Variants in WWOX observed in about 807,000 individuals in gnomAD.
WWOX encodes WW domain-containing oxidoreductase.
WWOX carries 69 observed loss-of-function variants against 46.2 expected under a neutral mutation model. The observed-to-expected ratio is 1.49, with a 90% CI of 1.23 to 1.82. The LOEUF (loss-of-function observed/expected upper bound fraction) is 1.82. Among genes scored for constraint, WWOX ranks in the 40% most tolerant of loss-of-function variants. The pLI, the probability that WWOX is intolerant of heterozygous loss-of-function variation, is 0.00. For synonymous variants in WWOX, 359 were observed against 202.6 expected (o/e 1.77, Z -6.56); for missense variants, 919 against 542.6 (o/e 1.69, Z -6.89).
intron 8 of WWOX, among the ~76,000 whole-genome samples, chr16:78,498,144 G>T (rs1346354031): frequency 2.1e-5 from 3 of 145,864 alleles, no homozygotes; most frequent in Admixed American, 7.1e-5. Context: ...GGTGGAGCTT[G>T]CAGTGAGCCG....
chr16:78,610,576 G>T (rs903053166), intron 8 of WWOX, among the ~76,000 whole-genome samples: 2 of 152,154 alleles, frequency 1.3e-5, no homozygotes, highest in Non-Finnish European at 2.9e-5. Flanking sequence ...AAATTGCTCA[G>T]TGCATTTATT....
chr16:78,563,836 A>G (rs1259786693), intron 8 of WWOX, among the ~76,000 whole-genome samples: 1 of 152,154 alleles, frequency 6.6e-6, no homozygotes, highest in Non-Finnish European at 1.5e-5. Context: ...TTGCACTGTG[A>G]AATTGTAGAT....
intron 8 of WWOX, among the ~76,000 whole-genome samples, chr16:78,554,643 C>A (rs190029440): frequency 2.0e-5 from 3 of 152,032 alleles, no homozygotes; most frequent in Non-Finnish European, 4.4e-5. Context: ...AAGAAAAAAT[C>A]CCCAGGACAG....
chr16:79,003,499 T>C (rs1328493198), intron 8 of WWOX, among the ~76,000 whole-genome samples: 1 of 152,230 alleles, frequency 6.6e-6, no homozygotes, highest in Admixed American at 6.5e-5. Flanking sequence ...CATGATTTTC[T>C]GGGTCAGGAC....
At chr16:78,248,102 G>A (rs982924499) in intron 5 of WWOX, among the ~76,000 whole-genome samples, 3 of 152,160 alleles carry the variant, frequency 2.0e-5, no homozygotes, top group African/African-American at 7.2e-5. Flanking sequence ...CTGCTATAAA[G>A]AAATACCTGA....
chr16:78,261,820 T>G (rs1269280246), intron 5 of WWOX, among the ~76,000 whole-genome samples: 1 of 131,774 alleles, frequency 7.6e-6, no homozygotes, highest in Non-Finnish European at 1.6e-5. Flanking sequence ...ATATATATAC[T>G]TATAATGTGG....
rs564637931 is a variant in WWOX, at chr16:78,286,385, C to T, written c.517-100475C>T. ...CCAGATGAGGTGGGGGTTGTCCCCC[C>T]CTTTTACTTTCTAGTATTGTTAGAC... On this transcript the variant is annotated intron_variant, in intron 5 of 8. Transcript: ENST00000566780. Among the ~76,000 whole-genome samples, 6 of 152,288 alleles carry T rather than the reference C, an allele frequency of 3.9e-5. No homozygotes were observed. In the East Asian group the frequency reaches 1.2e-3, roughly 29 times the overall value.
chr16:79,063,662 T>C (rs532640370), intron 8 of WWOX, among the ~76,000 whole-genome samples: 5 of 152,348 alleles, frequency 3.3e-5, no homozygotes, highest in Admixed American at 2.6e-4. Context: ...GTGATGTTTT[T>C]CCTTCTCTTT....
At chr16:78,929,940 A>G (rs2045582041) in intron 8 of WWOX, among the ~76,000 whole-genome samples, 1 of 152,054 alleles carries the variant, frequency 6.6e-6, no homozygotes, top group Admixed American at 6.5e-5. Flanking sequence ...TCAGGATAAA[A>G]ATTCCCTGTG....
chr16:78,527,991 C>CTTTTTTTTTTTTGTTTTTTTTTTTTTT, intron 8 of WWOX, among the ~76,000 whole-genome samples: 1 of 34,886 alleles, frequency 2.9e-5, no homozygotes, highest in South Asian at 1.3e-3. Flanking sequence ...GGTACATGTC[C>CTTTTTTTTTTTTGTTTTTTTTTTTTTT]TTTTTTTTTT....
At chr16:78,613,570 G>C (rs2045950332) in intron 8 of WWOX, among the ~76,000 whole-genome samples, 1 of 152,084 alleles carries the variant, frequency 6.6e-6, no homozygotes, top group Admixed American at 6.5e-5. Context: ...ACCCATAGTG[G>C]GTGTTCTCCA....
chr16:79,086,052 A>G (rs2048848250), intron 8 of WWOX, among the ~76,000 whole-genome samples: 2 of 139,068 alleles, frequency 1.4e-5, no homozygotes, highest in South Asian at 4.7e-4. Flanking sequence ...AACGTGGGCA[A>G]CAGTGTGAGA....
rs543941300 is a variant in WWOX at position 78,227,459 on chromosome 16, A to T, written c.516+63170A>T. The stretch of plus-strand genomic sequence containing the variant: ...AAAATATCTCTCATTCTTCCAATCA[A>T]TGCTGCTCTTTTCTTGCATACTGTA... On this transcript the variant is annotated intron_variant, in intron 5 of 8. Transcript: ENST00000566780. 2.0e-5 allele frequency among the ~76,000 whole-genome samples: 3 copies of T among 152,272 alleles called. 1 individual carries two copies. The highest frequency in any genetic ancestry group is 1.5e-5 in the Non-Finnish European group (1 of 68,026).
chr16:78,408,654 C>T (rs556371163), intron 6 of WWOX, among the ~76,000 whole-genome samples: 1 of 152,144 alleles, frequency 6.6e-6, no homozygotes, highest in Non-Finnish European at 1.5e-5. Flanking sequence ...TTCCGTTGTG[C>T]CTGTCGTCTT....
At chr16:78,939,216 T>C (rs1385532927) in intron 8 of WWOX, among the ~76,000 whole-genome samples, 2 of 152,150 alleles carry the variant, frequency 1.3e-5, no homozygotes, top group South Asian at 2.1e-4. Context: ...TGGAGCATCT[T>C]CTGTCTGCTA....
intron 8 of WWOX, among the ~76,000 whole-genome samples, chr16:78,561,469 C>G (rs887524054): frequency 2.6e-5 from 4 of 152,042 alleles, no homozygotes; most frequent in Non-Finnish European, 4.4e-5. Context: ...TGGCAAAATC[C>G]CTTCATGACA....
At chr16:79,208,201 C>T (rs1275286412) in intron 8 of WWOX, among the ~76,000 whole-genome samples, 1 of 152,174 alleles carries the variant, frequency 6.6e-6, no homozygotes, top group Non-Finnish European at 1.5e-5. Flanking sequence ...AAATGTTTGA[C>T]TAGATCGGAA....
At chr16:78,951,268 G>T (rs750529056) in intron 8 of WWOX, among the ~76,000 whole-genome samples, 1 of 152,154 alleles carries the variant, frequency 6.6e-6, no homozygotes, top group Non-Finnish European at 1.5e-5. Context: ...TTCATTTGCA[G>T]ACATGGCCAG....
At chr16:78,812,547 C>T (rs902760925) in intron 8 of WWOX, among the ~76,000 whole-genome samples, 2 of 151,858 alleles carry the variant, frequency 1.3e-5, no homozygotes, top group African/African-American at 4.8e-5. Context: ...CATGGCGAAA[C>T]TCCTTCTCTA....
Sources: allele counts gnomAD v4.1 joint callset (sites outside exome capture counted in the v4.1 genomes callset), GRCh38; gene constraint gnomAD v4.1.1; transcripts MANE v1.5; gene names NCBI Gene and HGNC (gene_info 2026-07-23, HGNC 2026-07-21).